The following NRIP1 variants were observed in gnomAD, a reference collection of about 807,000 sequenced individuals.
The protein encoded by NRIP1 is nuclear receptor interacting protein 1.
A neutral mutation model predicts 75.0 loss-of-function variants in NRIP1; 28 were observed. The ratio of observed to expected loss-of-function variants is 0.37; its 90% confidence interval spans 0.28 to 0.51. The LOEUF is 0.51. Among genes scored for constraint, NRIP1 ranks in the 20% least tolerant of loss-of-function variants. The pLI is 0.92. For synonymous variants in NRIP1, 526 were observed against 487.6 expected, an observed-to-expected ratio of 1.08 and a Z score of -1.04; for missense variants, 1,435 against 1,343.7, an observed-to-expected ratio of 1.07 and a Z score of -1.06.
intron 1 of NRIP1, among the ~76,000 whole-genome samples, chr21:15,057,466 G>C (rs1039787464): frequency 6.6e-6 from 1 of 152,174 alleles, no homozygotes; most frequent in Non-Finnish European, 1.5e-5. Context: ...TCCCTCCAGC[G>C]CAATGCAGGT....
chr21:15,043,439 A>G (rs372945590), intron 2 of NRIP1, 56 bp downstream of exon 2: 1 of 152,220 alleles, frequency 6.6e-6, no homozygotes, highest in Non-Finnish European at 1.5e-5. Context: ...CTTTTCTACA[A>G]TTGGAAAGGC....
rs2086697314 is a variant in NRIP1 at position 14,965,212 on chromosome 21, C to T, written c.2981G>A (p.Cys994Tyr). 6.2e-7 allele frequency: 1 copy of T among 1,613,916 alleles called. No individual in the cohort carries two copies. Among genetic ancestry groups the T allele is most frequent in the South Asian group, 1.1e-5 (1 of 91,088 alleles). ...GTATGAAAATGTCCTGTTATCCATG[C>T]AACTGCTGGGCTGAGTGGAACTGTA... ...LMYSSTQPSS[C>Y]MDNRTFSYPG... The change falls in exon 4 of 4, where the codon TGC (cysteine) becomes TAC (tyrosine). Residue 994 changes from cysteine (C) to tyrosine (Y), a missense_variant. By Grantham distance (194) the Cys-to-Tyr change is radical. Coordinates refer to ENST00000318948, the MANE Select transcript of NRIP1 (RefSeq NM_003489.4).
chr21:14,986,082 A>G (rs748994638), intron 3 of NRIP1, among the ~76,000 whole-genome samples: 7 of 152,174 alleles, frequency 4.6e-5, no homozygotes, highest in Non-Finnish European at 8.8e-5. Context: ...ATTGAAGCAG[A>G]TAATAATTAT....
At chr21:15,001,430 G>C (rs1036569344) in intron 3 of NRIP1, among the ~76,000 whole-genome samples, 1 of 152,030 alleles carries the variant, frequency 6.6e-6, no homozygotes, top group Non-Finnish European at 1.5e-5. Flanking sequence ...AAAATGCCCA[G>C]GAGTCTAATC....
At chr21:14,995,501 C>T (rs909178965) in intron 3 of NRIP1, among the ~76,000 whole-genome samples, 2 of 152,128 alleles carry the variant, frequency 1.3e-5, no homozygotes, top group South Asian at 2.1e-4. Flanking sequence ...TTTGTCAAAA[C>T]GCTTCAGAAT....
chr21:15,034,180 T>C (rs1713111660), intron 2 of NRIP1, among the ~76,000 whole-genome samples: 1 of 152,216 alleles, frequency 6.6e-6, no homozygotes, highest in Admixed American at 6.5e-5. Flanking sequence ...ACTTTTTAGG[T>C]ATCAAAAAGC....
intron 2 of NRIP1, among the ~76,000 whole-genome samples, chr21:15,039,749 TA>T (rs775290902): frequency 2.3e-4 from 35 of 152,006 alleles, no homozygotes; most frequent in Non-Finnish European, 3.4e-4. Context: ...CCCCTAAAAG[TA>T]AAATTCTACC....
At chr21:14,969,532 G>GT (rs2086848777) in intron 3 of NRIP1, among the ~76,000 whole-genome samples, 1 of 152,154 alleles carries the variant, frequency 6.6e-6, no homozygotes, top group African/African-American at 2.4e-5. Flanking sequence ...AACTTGATAG[G>GT]TAAGTGTCAA....
At chr21:15,022,164 G>A (rs565328885) in intron 2 of NRIP1, among the ~76,000 whole-genome samples, 6 of 152,238 alleles carry the variant, frequency 3.9e-5, no homozygotes, top group South Asian at 2.1e-4. Context: ...GTGATAGACT[G>A]GATAAAGAAA....
At chr21:15,056,115 G>A (rs1490801235) in intron 1 of NRIP1, among the ~76,000 whole-genome samples, 3 of 152,172 alleles carry the variant, frequency 2.0e-5, no homozygotes, top group South Asian at 4.1e-4. Context: ...TACAAAAGAT[G>A]CATCTAAAAA....
upstream of NRIP1, among the ~76,000 whole-genome samples, chr21:15,065,341 C>A (rs529311000): frequency 6.6e-6 from 1 of 151,884 alleles, no homozygotes; most frequent in South Asian, 2.1e-4. Context: ...CCGGGCCGTC[C>A]CCCGGGCTCC....
In NRIP1 at chr21:15,050,425, T is replaced by G. The variant is rs930750488; in HGVS notation, c.-537-6851A>C. ...GATTATGAGGACAATGTCTGAAGAT[T>G]TCATACACATAATATTGGGATCTTC... On this transcript the variant is annotated intron_variant, in intron 1 of 3. Transcript: ENST00000318948. 4 of 292,312 alleles carry G rather than the reference T, an allele frequency of 1.4e-5. No individual in the cohort carries two copies. In the Admixed American group the frequency reaches 1.9e-4, roughly 14 times the overall value. 18.1% of individuals were successfully genotyped at this position (292,312 alleles called of 1,614,324 possible).
chr21:14,989,341 C>G lies in NRIP1; in HGVS notation c.-334-20815G>C, dbSNP rs377407610. 2.0e-5 allele frequency among the ~76,000 whole-genome samples: 3 copies of G among 152,138 alleles called. 1 individual carries two copies. In the South Asian group the frequency reaches 6.2e-4, roughly 31 times the overall value. ...ATACTTACAGTTTGTAGGGGCGGAA[C>G]CAACAACAGAATTTCATATTTCTTA... On this transcript the variant is annotated intron_variant, in intron 3 of 3. Coordinates refer to ENST00000318948, the MANE Select transcript of NRIP1 (RefSeq NM_003489.4).
upstream of NRIP1, among the ~76,000 whole-genome samples, chr21:15,065,387 C>T (rs1298079460): frequency 6.6e-6 from 1 of 152,024 alleles, no homozygotes; most frequent in Non-Finnish European, 1.5e-5. Context: ...GCTGCAGGCG[C>T]CTGGACAGCT....
intron 2 of NRIP1, among the ~76,000 whole-genome samples, chr21:15,016,952 AAGAC>A (rs2088246703): frequency 6.6e-6 from 1 of 151,790 alleles, no homozygotes; most frequent in South Asian, 2.1e-4. Context: ...GAAAAGAAGA[AAGAC>A]AAGAAAGAAA....
intron 3 of NRIP1, among the ~76,000 whole-genome samples, chr21:14,982,974 T>C (rs2087287432): frequency 6.6e-6 from 1 of 152,162 alleles, no homozygotes; most frequent in South Asian, 2.1e-4. Context: ...TATGTTCTGA[T>C]TGCTCCACCA....
At chr21:15,047,494 C>G (rs747531127) in intron 1 of NRIP1, among the ~76,000 whole-genome samples, 2 of 152,098 alleles carry the variant, frequency 1.3e-5, no homozygotes, top group Non-Finnish European at 2.9e-5. Context: ...GAGCTGAGAC[C>G]GCGCCACTGC....
chr21:15,027,721 G>A (rs1326093339), intron 2 of NRIP1, among the ~76,000 whole-genome samples: 1 of 152,124 alleles, frequency 6.6e-6, no homozygotes, highest in Admixed American at 6.5e-5. Flanking sequence ...ATGAGAAATA[G>A]GTAAACTGGA....
intron 3 of NRIP1, among the ~76,000 whole-genome samples, chr21:14,989,952 A>C (rs193263810): frequency 2.0e-5 from 3 of 152,104 alleles, no homozygotes; most frequent in Non-Finnish European, 2.9e-5. Context: ...TTAATCATGA[A>C]AAAAAAAGAA....
Sources: gnomAD v4.1 joint callset for allele counts (sites outside exome capture counted in the v4.1 genomes callset) on GRCh38, gnomAD v4.1.1 for gene constraint, MANE v1.5 for transcripts, NCBI Gene and HGNC (gene_info 2026-07-23, HGNC 2026-07-21) for gene names.